The following F13A1 variants were observed in gnomAD, a reference collection of about 807,000 sequenced individuals.
The protein encoded by F13A1 is coagulation factor XIII A chain.
F13A1 carries 47 observed loss-of-function variants against 80.1 expected under a neutral mutation model. The observed-to-expected ratio is 0.59, with a 90% CI of 0.46 to 0.75. The LOEUF (loss-of-function observed/expected upper bound fraction) is 0.75, where lower values mean the gene tolerates loss of function less well. F13A1 is among the 30% of genes least tolerant of loss of function. The pLI is 0.00. For missense variants in F13A1, 817 were observed against 930.4 expected, an observed-to-expected ratio of 0.88 and a Z score of 1.59; for synonymous variants, 349 against 344.9, an observed-to-expected ratio of 1.01 and a Z score of -0.13.
chr6:6,267,572 A>C (rs949022394), intron 3 of F13A1, among the ~76,000 whole-genome samples: 3 of 152,210 alleles, frequency 2.0e-5, no homozygotes, highest in African/African-American at 7.2e-5. Context: ...GTAGACATCA[A>C]AGGCAATCTT....
chr6:6,248,211 T>C lies in F13A1; in HGVS notation c.798+101A>G, dbSNP rs1335618188. The C allele has an allele frequency of 4.2e-6, 4 of 947,948 alleles. No homozygotes were observed. The Admixed American group carries it at 7.7e-5, about 18-fold the overall frequency. The allele number at this position is 947,948 out of a possible 1,614,324, so 58.7% of individuals were successfully genotyped here. A position where few individuals can be genotyped will look rare whatever the true frequency, so the allele number is the denominator to read the frequency against. ...TAGAATCTTACAAATGAAAGTTTAT[T>C]AAGTGTAAGTCATCATTTCAGCAGC... On this transcript the variant is annotated intron_variant, in intron 6 of 14. Transcript: ENST00000264870.
At chr6:6,183,839 A>G (rs1761030197) in intron 10 of F13A1, among the ~76,000 whole-genome samples, 1 of 152,186 alleles carries the variant, frequency 6.6e-6, no homozygotes. Context: ...TCAGTTCCTG[A>G]TTCTATAAAA....
intron 12 of F13A1, 49 bp downstream of exon 12, chr6:6,174,531 A>G: frequency 1.2e-6 from 2 of 1,600,156 alleles, no homozygotes; most frequent in South Asian, 2.2e-5. Context: ...CTAGCAAGAC[A>G]GGGGCCAGAC....
chr6:6,273,683 T>C (rs1456200518), intron 3 of F13A1, among the ~76,000 whole-genome samples: 2 of 152,182 alleles, frequency 1.3e-5, no homozygotes, highest in Non-Finnish European at 2.9e-5. Flanking sequence ...ATGTTCAAAA[T>C]AATCAATCTA....
chr6:6,186,989 G>A (rs1265642559), intron 10 of F13A1, among the ~76,000 whole-genome samples: 7 of 115,122 alleles, frequency 6.1e-5, no homozygotes, highest in Admixed American at 9.3e-5. Context: ...TGAAGCAATT[G>A]TGAATGGGAG....
chr6:6,316,077 GCATATATATATATATATA>G (rs1253208319), intron 2 of F13A1, among the ~76,000 whole-genome samples: 16 of 49,656 alleles, frequency 3.2e-4, no homozygotes, highest in Non-Finnish European at 1.6e-4. Flanking sequence ...ATGTGTGTGT[GCATATATATATATATATA>G]TATATATATA....
In F13A1 at chr6:6,266,766, A is replaced by G; in HGVS notation, c.363T>C (p.Pro121=). The G allele has an allele frequency of 6.2e-7, 1 of 1,614,234 alleles. No individual in the cohort carries two copies. Among genetic ancestry groups the G allele is most frequent in the East Asian group, 2.2e-5 (1 of 44,890 alleles). Residue 121 remains proline, a synonymous_variant, in exon 4 of 15, where the codon CCT becomes CCC. Coordinates refer to ENST00000264870, the MANE Select transcript of F13A1 (RefSeq NM_000129.4). The part of the protein sequence containing the change: ...QENKGTYIPV[P]IVSELQSGKW... ...TTCCACTTTGTAACTCTGAGACTAT[A>G]GGCACTGGGATGTAGGTTCCCTTGT...
At chr6:6,230,828 C>T (rs1471384763) in intron 6 of F13A1, among the ~76,000 whole-genome samples, 2 of 152,126 alleles carry the variant, frequency 1.3e-5, no homozygotes, top group African/African-American at 4.8e-5. Flanking sequence ...GGTGGGTAGA[C>T]CCAGAAGAGA....
intron 8 of F13A1, among the ~76,000 whole-genome samples, chr6:6,199,170 AT>A (rs1761346613): frequency 6.6e-6 from 1 of 152,230 alleles, no homozygotes; most frequent in African/African-American, 2.4e-5. Context: ...ATGTTAACAC[AT>A]CTGATGTCCC....
Position 6,257,020 on chromosome 6 carries a change from C to CA in F13A1, c.572-6092dup, listed in dbSNP as rs1412512353. On this transcript the variant is annotated intron_variant, in intron 4 of 14. Coordinates refer to ENST00000264870, the MANE Select transcript of F13A1 (RefSeq NM_000129.4). Reference sequence around the variant, plus strand: ...ATAATGGTTTGGCCCTTCCAAAAGGCAAAATGAGTCACCATTTAGGGAAGG... The same window carrying CA: ...ATAATGGTTTGGCCCTTCCAAAAGGCAAAAATGAGTCACCATTTAGGGAAGG... 3.9e-5 allele frequency among the ~76,000 whole-genome samples: 6 copies of CA among 152,114 alleles called. No individual in the cohort carries two copies. In the South Asian group the frequency reaches 1.2e-3, roughly 32 times the overall value.
At chr6:6,285,454 A>G (rs767507463) in intron 3 of F13A1, among the ~76,000 whole-genome samples, 1 of 152,388 alleles carries the variant, frequency 6.6e-6, no homozygotes, top group Non-Finnish European at 1.5e-5. Context: ...CCAACAGTGC[A>G]GAGAAGGAGC....
intron 3 of F13A1, chr6:6,305,082 T>C: frequency 2.0e-6 from 1 of 499,656 alleles, no homozygotes; most frequent in East Asian, 3.7e-5. Flanking sequence ...AACCATTTGT[T>C]TGAGGAAGAA....
At chr6:6,271,718 G>C (rs1167097962) in intron 3 of F13A1, among the ~76,000 whole-genome samples, 1 of 152,216 alleles carries the variant, frequency 6.6e-6, no homozygotes, top group Non-Finnish European at 1.5e-5. Context: ...ATCTTCCCAA[G>C]TGATCTAGAA....
intron 4 of F13A1, among the ~76,000 whole-genome samples, chr6:6,257,074 T>A (rs569526263): frequency 1.3e-5 from 2 of 152,270 alleles, no homozygotes; most frequent in South Asian, 4.1e-4. Flanking sequence ...GGATTAGGAA[T>A]CACTTACACT....
chr6:6,295,929 G>A lies in F13A1; in HGVS notation c.319+9422C>T, dbSNP rs1034975891. On this transcript the variant is annotated intron_variant, in intron 3 of 14. Coordinates refer to ENST00000264870, the MANE Select transcript of F13A1 (RefSeq NM_000129.4). ...TCTTGAATTGATTTTTGTATAAGCTGTAAGGAAGGGATCCAATTTCAGCTT... is the reference window on the plus strand; with the variant it reads ...TCTTGAATTGATTTTTGTATAAGCTATAAGGAAGGGATCCAATTTCAGCTT... Among the ~76,000 whole-genome samples the A allele has an allele frequency of 9.1e-5, 13 of 142,278 alleles. No individual in the cohort carries two copies. The South Asian group carries it at 1.5e-3, about 17-fold the overall frequency. 93.3% of individuals were successfully genotyped at this position (142,278 alleles called of 152,430 possible).
intron 6 of F13A1, among the ~76,000 whole-genome samples, chr6:6,229,615 C>A (rs1757322304): frequency 6.6e-6 from 1 of 152,188 alleles, no homozygotes; most frequent in Admixed American, 6.5e-5. Context: ...GACTGGATTG[C>A]AGCTCTGGAC....
chr6:6,275,523 C>T (rs1386043653), intron 3 of F13A1, among the ~76,000 whole-genome samples: 1 of 152,064 alleles, frequency 6.6e-6, no homozygotes, highest in Non-Finnish European at 1.5e-5. Flanking sequence ...GTGTGGGCCA[C>T]CACACCCACT....
intron 14 of F13A1, among the ~76,000 whole-genome samples, chr6:6,146,803 A>G (rs1049555944): frequency 6.6e-6 from 1 of 152,198 alleles, no homozygotes; most frequent in Non-Finnish European, 1.5e-5. Flanking sequence ...TGCACTTCAT[A>G]AAAGTGTACA....
chr6:6,272,030 A>G (rs907507259), intron 3 of F13A1, among the ~76,000 whole-genome samples: 27 of 152,322 alleles, frequency 1.8e-4, no homozygotes, highest in African/African-American at 5.3e-4. Context: ...TATTCTTCAC[A>G]AGATAGGAAA....
Sources: gnomAD v4.1 joint callset for allele counts (sites outside exome capture counted in the v4.1 genomes callset) on GRCh38, gnomAD v4.1.1 for gene constraint, MANE v1.5 for transcripts, NCBI Gene and HGNC (gene_info 2026-07-23, HGNC 2026-07-21) for gene names.